ZNF670: variants seen among roughly 807,000 people sequenced by gnomAD.
ZNF670 encodes the protein zinc finger protein 670.
ZNF670 carries 7 observed loss-of-function variants against 10.9 expected under a neutral mutation model. That is an observed-to-expected ratio of 0.64 (90% CI 0.36 to 1.20). The LOEUF (loss-of-function observed/expected upper bound fraction) is 1.20. Ranked by LOEUF, ZNF670 falls within the 50% of genes most tolerant of loss-of-function variation. The pLI, the probability that ZNF670 is intolerant of heterozygous loss-of-function variation, is 0.02. For missense variants in ZNF670, 446 were observed against 458.6 expected, an observed-to-expected ratio of 0.97 and a Z score of 0.25; for synonymous variants, 136 against 152.7, an observed-to-expected ratio of 0.89 and a Z score of 0.81.
At chr1:247,072,832 A>ATG (rs1329918424) in intron 1 of ZNF670, among the ~76,000 whole-genome samples, 10 of 105,654 alleles carry the variant, frequency 9.5e-5, no homozygotes, top group African/African-American at 4.6e-4. Context: ...ATATATATAT[A>ATG]TATATATGCA....
At chr1:247,074,952 C>T (rs558327326) in intron 1 of ZNF670, among the ~76,000 whole-genome samples, 1 of 152,306 alleles carries the variant, frequency 6.6e-6, no homozygotes, top group Admixed American at 6.5e-5. Flanking sequence ...AAGGGGATCT[C>T]ATCCTTTCAA....
At position 247,037,360 on chromosome 1, in the gene ZNF670, A is replaced by AT. The variant is rs778177908; in HGVS notation, c.*88dup. 1.5e-5 allele frequency: 22 copies of AT among 1,453,872 alleles called. No homozygotes were observed. Among genetic ancestry groups the AT allele is most frequent in the Non-Finnish European group, 7.3e-6 (8 of 1,095,804 alleles). The allele number at this position is 1,453,872 out of a possible 1,614,324, so 90.1% of individuals were successfully genotyped here. A position where few individuals can be genotyped will look rare whatever the true frequency, so the allele number is the denominator to read the frequency against. On this transcript the variant is annotated 3_prime_UTR_variant, in exon 4 of 4. Transcript: ENST00000366503. ...GGTTTCTCTCTAATTTGAGTTTTTA[A>AT]TTTTTTCACGTGTTCTAATGAAACT...
rs1670161025 is a variant in ZNF670 at position 247,036,793 on chromosome 1, A to G, written c.*656T>C. The G allele has an allele frequency of 6.6e-6, 1 of 152,060 alleles. No homozygotes were observed. Among genetic ancestry groups the G allele is most frequent in the African/African-American group, 2.4e-5 (1 of 41,408 alleles). The allele number at this position is 152,060 out of a possible 1,614,324, so 9.4% of individuals were successfully genotyped here. ...ATAAACTTCACATACATGCAAATTA[A>G]TAACAATTCTTTATTAGCAAAGAAA... On this transcript the variant is annotated 3_prime_UTR_variant, in exon 4 of 4. Coordinates refer to ENST00000366503, the MANE Select transcript of ZNF670 (RefSeq NM_033213.5).
chr1:247,040,391 G>A (rs2642960), intron 1 of ZNF670, among the ~76,000 whole-genome samples: 98,047 of 152,100 alleles, frequency 0.64, 33,799 homozygotes, highest in African/African-American at 0.9. Context: ...AAGATAGTAC[G>A]TGTGCTTAGA....
At chr1:247,058,928 C>T (rs181422688) in intron 1 of ZNF670, among the ~76,000 whole-genome samples, 162 of 152,202 alleles carry the variant, frequency 1.1e-3, no homozygotes, top group African/African-American at 3.8e-3. Flanking sequence ...CCCAGATGAT[C>T]ACACTAGTGA....
chr1:247,043,457 G>A, intron 1 of ZNF670: 1 of 623,574 alleles, frequency 1.6e-6, no homozygotes, highest in South Asian at 1.5e-5. Context: ...AAAAAACTTT[G>A]AAGAATATGC....
chr1:247,077,221 G>A (rs1030606591), intron 1 of ZNF670, among the ~76,000 whole-genome samples: 4 of 152,204 alleles, frequency 2.6e-5, no homozygotes, highest in Non-Finnish European at 5.9e-5. Context: ...TTTAAACGAA[G>A]AGTATACTAG....
chr1:247,049,543 T>C (rs1366207058), intron 1 of ZNF670, among the ~76,000 whole-genome samples: 1 of 152,248 alleles, frequency 6.6e-6, no homozygotes, highest in Non-Finnish European at 1.5e-5. Flanking sequence ...TCTTTGTTAG[T>C]TCTTTTATTC....
At chr1:247,050,483 T>C (rs944932960) in intron 1 of ZNF670, among the ~76,000 whole-genome samples, 10 of 150,662 alleles carry the variant, frequency 6.6e-5, no homozygotes, top group Admixed American at 1.3e-4. Context: ...TTTTCTTCTT[T>C]TTTTTTTTTT....
At chr1:247,057,147 C>A (rs1207018809) in intron 1 of ZNF670, among the ~76,000 whole-genome samples, 3 of 151,970 alleles carry the variant, frequency 2.0e-5, no homozygotes, top group Admixed American at 1.3e-4. Context: ...CAAACAAATA[C>A]AGGAAAAAAA....
At chr1:247,039,604 T>C in intron 1 of ZNF670, 67 bp from the exon 2 acceptor site, 2 of 1,398,932 alleles carry the variant, frequency 1.4e-6, no homozygotes, top group South Asian at 1.8e-5. Context: ...TCTATACTCA[T>C]CTCATAAAAT....
At position 247,035,120 on chromosome 1, in the gene ZNF670, T is replaced by C. The variant is rs1670117386; in HGVS notation, c.*2329A>G. On this transcript the variant is annotated 3_prime_UTR_variant, in exon 4 of 4. Coordinates refer to ENST00000366503, the MANE Select transcript of ZNF670 (RefSeq NM_033213.5). ...ACTTCTGTTATATTATGGAACCAGT[T>C]AGACAAAAGCAGGTAGTTAAAGCTG... 6.6e-6 allele frequency among the ~76,000 whole-genome samples: 1 copy of C among 152,206 alleles called. No individual in the cohort carries two copies. The highest frequency in any genetic ancestry group is 2.4e-5 in the African/African-American group (1 of 41,460).
chr1:247,049,184 C>T (rs1558339496), intron 1 of ZNF670, among the ~76,000 whole-genome samples: 1 of 151,226 alleles, frequency 6.6e-6, no homozygotes, highest in Admixed American at 6.6e-5. Flanking sequence ...CTGCAACCTC[C>T]ACCTGCCGGG....
At chr1:247,078,486 G>A (rs1671307788) in intron 1 of ZNF670, 108 bp downstream of exon 1, 1 of 1,431,776 alleles carries the variant, frequency 7.0e-7, no homozygotes. Flanking sequence ...AGGCCGCGAG[G>A]CGCCGGCGGA....
At chr1:247,065,334 C>A (rs905549022) in intron 1 of ZNF670, among the ~76,000 whole-genome samples, 7 of 152,216 alleles carry the variant, frequency 4.6e-5, no homozygotes, top group African/African-American at 1.7e-4. Flanking sequence ...GAGAGCCAGA[C>A]TCTGCTGAAA....
chr1:247,077,036 G>A (rs1028780274), intron 1 of ZNF670, among the ~76,000 whole-genome samples: 49 of 152,216 alleles, frequency 3.2e-4, no homozygotes, highest in African/African-American at 1.1e-3. Context: ...GGTATTCCTT[G>A]TCCTTTGAGA....
chr1:247,078,711 G>T lies in ZNF670; in HGVS notation c.-115C>A. On this transcript the variant is annotated 5_prime_UTR_variant, in exon 1 of 4. Coordinates refer to ENST00000366503, the MANE Select transcript of ZNF670 (RefSeq NM_033213.5). ...GACCTCCCAGGGATAAGGGGAAGGAGCAGCGGAGACGCACCGAGCTCGCCA... is the reference window on the plus strand; with the variant it reads ...GACCTCCCAGGGATAAGGGGAAGGATCAGCGGAGACGCACCGAGCTCGCCA... The T allele has an allele frequency of 1.7e-6, 2 of 1,198,266 alleles. No individual in the cohort carries two copies. Among genetic ancestry groups the T allele is most frequent in the Non-Finnish European group, 2.4e-6 (2 of 835,880 alleles). The allele number at this position is 1,198,266 out of a possible 1,614,324, so 74.2% of individuals were successfully genotyped here. A position where few individuals can be genotyped will look rare whatever the true frequency, so the allele number is the denominator to read the frequency against.
intron 1 of ZNF670, among the ~76,000 whole-genome samples, chr1:247,070,095 T>C (rs867896918): frequency 5.9e-5 from 9 of 151,876 alleles, no homozygotes; most frequent in East Asian, 1.9e-4. Flanking sequence ...TCAAAATATC[T>C]CCTGTACCCC....
In ZNF670 at chr1:247,035,447, A is replaced by C. The variant is rs754152061; in HGVS notation, c.*2002T>G. Among the ~76,000 whole-genome samples, 7 of 152,330 alleles carry C rather than the reference A, an allele frequency of 4.6e-5. No individual in the cohort carries two copies. The highest frequency in any genetic ancestry group is 1.0e-4 in the Non-Finnish European group (7 of 68,030). On this transcript the variant is annotated 3_prime_UTR_variant, in exon 4 of 4. Transcript: ENST00000366503. ...CGTGAGATGCTTCTTGGTTCTCATA[A>C]GGATGCAATTGGTTTGTTTAAATGC...
Sources: gnomAD v4.1 joint callset for allele counts (sites outside exome capture counted in the v4.1 genomes callset) on GRCh38, gnomAD v4.1.1 for gene constraint, MANE v1.5 for transcripts, NCBI Gene and HGNC (gene_info 2026-07-23, HGNC 2026-07-21) for gene names.